ENPP2: variants seen among roughly 807,000 people sequenced by gnomAD.
ENPP2 encodes the protein autotaxin.
ENPP2 carries 51 observed loss-of-function variants against 120.2 expected under a neutral mutation model. The ratio of observed to expected loss-of-function variants is 0.42; its 90% confidence interval spans 0.34 to 0.54. ENPP2 has a LOEUF of 0.54. ENPP2 is among the 20% of genes least tolerant of loss of function. The pLI, the probability that ENPP2 is intolerant of heterozygous loss-of-function variation, is 0.04. For missense variants in ENPP2, 920 were observed against 1,066.5 expected, an observed-to-expected ratio of 0.86 and a Z score of 1.91; for synonymous variants, 365 against 366.4, an observed-to-expected ratio of 1.00 and a Z score of 0.04.
chr8:119,673,319 G>C, exon 1 of ENPP2: 3 of 1,533,458 alleles, frequency 2.0e-6, no homozygotes, highest in African/African-American at 2.7e-5. Flanking sequence ...CTGCGGACGC[G>C]GCCTGGGCTG....
At chr8:119,643,446 T>C (rs563461253), upstream of ENPP2, among the ~76,000 whole-genome samples, 15 of 152,330 alleles carry the variant, frequency 9.8e-5, 1 homozygote, top group South Asian at 1.9e-3. Context: ...AAATGCAAAC[T>C]AGACTTGTGC....
chr8:119,567,139 GCTTC>G (rs1254809265), intron 22 of ENPP2, among the ~76,000 whole-genome samples: 3 of 152,128 alleles, frequency 2.0e-5, no homozygotes, highest in Non-Finnish European at 4.4e-5. Context: ...ACATAGAGGT[GCTTC>G]CTTTTCCTAC....
intron 4 of ENPP2, 86 bp from the exon 5 acceptor site, chr8:119,619,390 G>C: frequency 1.2e-6 from 1 of 849,448 alleles, no homozygotes; most frequent in Admixed American, 2.3e-5. Flanking sequence ...TCTGTGTCCT[G>C]TTTGATACTT....
At chr8:119,638,565 G>A (rs193127011) in intron 1 of ENPP2, 38 bp from the exon 2 acceptor site, 40 of 1,253,570 alleles carry the variant, frequency 3.2e-5, no homozygotes, top group Middle Eastern at 3.7e-4. Context: ...AAATACAGCT[G>A]GAGAAGACTA....
chr8:119,596,384 T>G (rs1415218963), intron 11 of ENPP2, among the ~76,000 whole-genome samples: 2 of 152,212 alleles, frequency 1.3e-5, no homozygotes, highest in Non-Finnish European at 2.9e-5. Context: ...TATAAAGAAC[T>G]AACTGAAAAG....
intron 2 of ENPP2, among the ~76,000 whole-genome samples, chr8:119,635,539 C>T (rs1201434399): frequency 6.6e-6 from 1 of 152,208 alleles, no homozygotes; most frequent in African/African-American, 2.4e-5. Context: ...CATATAAAGT[C>T]TCTTGCAGTC....
rs1813535643 is a variant in ENPP2 at position 119,557,196 on chromosome 8, T to G, written c.*325A>C. ...AAGGCAACTTTACAAAATCAGTGTT[T>G]CCATACAGTACAGGACTAAATGTGG... On this transcript the variant is annotated 3_prime_UTR_variant, in exon 25 of 25. Coordinates refer to ENST00000075322, the MANE Select transcript of ENPP2 (RefSeq NM_001040092.3). The G allele has an allele frequency of 5.4e-6, 1 of 186,138 alleles. No homozygotes were observed. Among genetic ancestry groups the G allele is most frequent in the Non-Finnish European group, 1.1e-5 (1 of 90,230 alleles). 11.5% of individuals were successfully genotyped at this position (186,138 alleles called of 1,614,324 possible).
intron 1 of ENPP2, among the ~76,000 whole-genome samples, chr8:119,650,565 A>C (rs1378148313): frequency 6.6e-6 from 1 of 152,238 alleles, no homozygotes; most frequent in Non-Finnish European, 1.5e-5. Context: ...TGCACAGAAA[A>C]GGAACATTAA....
intron 15 of ENPP2, among the ~76,000 whole-genome samples, chr8:119,584,604 CT>C (rs957346072): frequency 6.6e-6 from 1 of 152,098 alleles, no homozygotes; most frequent in African/African-American, 2.4e-5. Context: ...TACAATACAA[CT>C]AGAGTACAAC....
intron 19 of ENPP2, among the ~76,000 whole-genome samples, chr8:119,577,701 C>T (rs900952111): frequency 2.0e-5 from 3 of 152,152 alleles, no homozygotes; most frequent in East Asian, 1.9e-4. Context: ...TAGATTCCCC[C>T]CTAATATTTT....
intron 24 of ENPP2, 78 bp from the exon 25 acceptor site, chr8:119,557,769 C>T (rs745651438): frequency 4.0e-6 from 5 of 1,250,902 alleles, no homozygotes; most frequent in Non-Finnish European, 5.5e-6. Flanking sequence ...ACTCCAAGTC[C>T]ACAAATGACC....
intron 1 of ENPP2, among the ~76,000 whole-genome samples, chr8:119,655,823 A>C (rs1377013745): frequency 6.6e-6 from 1 of 152,226 alleles, no homozygotes; most frequent in African/African-American, 2.4e-5. Context: ...AGGTCCGCCC[A>C]GCCAGAGCCC....
At chr8:119,601,182 A>T (rs1814277915) in intron 10 of ENPP2, among the ~76,000 whole-genome samples, 1 of 152,238 alleles carries the variant, frequency 6.6e-6, no homozygotes, top group Non-Finnish European at 1.5e-5. Flanking sequence ...GCTGTAGTGG[A>T]CAGAATTAAT....
At chr8:119,660,223 A>T (rs1167349567) in intron 1 of ENPP2, among the ~76,000 whole-genome samples, 1 of 152,174 alleles carries the variant, frequency 6.6e-6, no homozygotes, top group African/African-American at 2.4e-5. Flanking sequence ...CTTTGAAAAA[A>T]CAGTTATTTG....
At chr8:119,621,332 C>G in intron 4 of ENPP2, 62 bp downstream of exon 4, 2 of 1,512,138 alleles carry the variant, frequency 1.3e-6, no homozygotes, top group Non-Finnish European at 1.8e-6. Flanking sequence ...CATCCAGGAT[C>G]TCCTGGAGCA....
intron 1 of ENPP2, among the ~76,000 whole-genome samples, chr8:119,666,117 G>A (rs2130907344): frequency 6.6e-6 from 1 of 152,302 alleles, no homozygotes; most frequent in Middle Eastern, 3.4e-3. Flanking sequence ...CCAATTTTAA[G>A]ACTACATACA....
At chr8:119,628,560 C>T (rs1447824604) in intron 2 of ENPP2, among the ~76,000 whole-genome samples, 2 of 151,970 alleles carry the variant, frequency 1.3e-5, no homozygotes, top group Non-Finnish European at 2.9e-5. Flanking sequence ...ACTATTGCAC[C>T]GTAAGAGGAC....
chr8:119,662,796 C>T lies in ENPP2; in HGVS notation c.21+10456G>A, dbSNP rs550444364. 3.9e-5 allele frequency among the ~76,000 whole-genome samples: 6 copies of T among 152,154 alleles called. No homozygotes were observed. In the East Asian group the frequency reaches 1.2e-3, roughly 29 times the overall value. ...GATAATGCATGGGCTTTGCATGACC[C>T]CTAGAATCTAAGTCATTGAAAACGG... On this transcript the variant is annotated intron_variant, in intron 1 of 25. Coordinates refer to the ENPP2 transcript ENST00000427067.
chr8:119,661,846 GA>G (rs771212618), intron 1 of ENPP2, among the ~76,000 whole-genome samples: 2 of 152,120 alleles, frequency 1.3e-5, no homozygotes, highest in African/African-American at 2.4e-5. Flanking sequence ...CCTTAAACAA[GA>G]ATGACAGCCT....
Sources: allele counts gnomAD v4.1 joint callset (sites outside exome capture counted in the v4.1 genomes callset), GRCh38; gene constraint gnomAD v4.1.1; transcripts MANE v1.5; gene names NCBI Gene and HGNC (gene_info 2026-07-23, HGNC 2026-07-21).